Variants in SNX2 observed in about 807,000 individuals in gnomAD.
SNX2 encodes the protein sorting nexin-2.
A neutral mutation model predicts 69.9 loss-of-function variants in SNX2; 25 were observed. The observed-to-expected ratio is 0.36, with a 90% confidence interval of 0.26 to 0.50. SNX2 has a LOEUF of 0.50. Ranked by LOEUF, SNX2 falls within the 20% of genes least tolerant of loss-of-function variation. SNX2 has a pLI of 0.97. For missense variants in SNX2, 551 were observed against 613.3 expected (o/e 0.90, Z 1.07); for synonymous variants, 229 against 200.4 (o/e 1.14, Z -1.20).
chr5:122,806,140 G>GCA (rs1296313992), intron 6 of SNX2, among the ~76,000 whole-genome samples: 1 of 30,220 alleles, frequency 3.3e-5, no homozygotes, highest in African/African-American at 1.1e-4. Flanking sequence ...ACACACGCGC[G>GCA]CGCACACACA....
chr5:122,813,153 T>A (rs560586341), intron 7 of SNX2, among the ~76,000 whole-genome samples: 1 of 152,300 alleles, frequency 6.6e-6, no homozygotes, highest in South Asian at 2.1e-4. Flanking sequence ...TTACCCTTTT[T>A]GTCCCGTGTC....
At chr5:122,803,669 A>G in intron 6 of SNX2, 56 bp downstream of exon 6, 1 of 1,385,094 alleles carries the variant, frequency 7.2e-7, no homozygotes, top group Non-Finnish European at 1.0e-6. Context: ...TTCAGTTTTA[A>G]CTGTATAGAT....
chr5:122,806,142 G>GCGCGCGCACGCACACACACACACA, intron 6 of SNX2, among the ~76,000 whole-genome samples: 1 of 130,584 alleles, frequency 7.7e-6, no homozygotes, highest in African/African-American at 2.9e-5. Context: ...ACACGCGCGC[G>GCGCGCGCACGCACACACACACACA]CACACACACA....
At chr5:122,797,962 A>C (rs1753421726) in intron 2 of SNX2, among the ~76,000 whole-genome samples, 1 of 152,204 alleles carries the variant, frequency 6.6e-6, no homozygotes, top group Non-Finnish European at 1.5e-5. Context: ...GTATCAGTAA[A>C]GTAAAATGTG....
intron 7 of SNX2, among the ~76,000 whole-genome samples, chr5:122,810,884 A>G (rs528745737): frequency 5.3e-5 from 8 of 152,342 alleles, no homozygotes; most frequent in African/African-American, 1.9e-4. Flanking sequence ...AAGCAAAGGA[A>G]CTGGAATGGT....
chr5:122,792,108 G>T (rs189510736), intron 1 of SNX2, among the ~76,000 whole-genome samples: 7 of 152,326 alleles, frequency 4.6e-5, no homozygotes, highest in Admixed American at 4.6e-4. Flanking sequence ...GCCCACTTTT[G>T]TGAGAATTTG....
At chr5:122,788,662 T>C (rs989373569) in intron 1 of SNX2, among the ~76,000 whole-genome samples, 2 of 152,222 alleles carry the variant, frequency 1.3e-5, no homozygotes, top group Non-Finnish European at 2.9e-5. Flanking sequence ...TTATTCTCTT[T>C]GGTAACAGCT....
chr5:122,811,978 G>A (rs1753788232), intron 7 of SNX2, among the ~76,000 whole-genome samples: 1 of 152,140 alleles, frequency 6.6e-6, no homozygotes, highest in South Asian at 2.1e-4. Flanking sequence ...GTAGGCAGCT[G>A]TTCAGGATTA....
intron 3 of SNX2, among the ~76,000 whole-genome samples, chr5:122,800,859 C>A (rs572052398): frequency 2.6e-5 from 4 of 152,124 alleles, no homozygotes; most frequent in African/African-American, 9.7e-5. Flanking sequence ...GTTGAATAAT[C>A]TCTGAACTTT....
rs140174815 is a variant in SNX2 at position 122,782,534 on chromosome 5, C to T, written c.108+7323C>T. Among the ~76,000 whole-genome samples, 469 of 148,554 alleles carry T rather than the reference C, an allele frequency of 3.2e-3. 2 individuals carry two copies. The highest frequency in any genetic ancestry group is 9.5e-3 in the African/African-American group (383 of 40,330). The stretch of plus-strand genomic sequence containing the variant: ...GATTACAGGCGTGAGCCATCACGCC[C>T]GGCCTATTTTATTTTATTTGAGATG... On this transcript the variant is annotated intron_variant, in intron 1 of 14. Coordinates refer to ENST00000379516, the MANE Select transcript of SNX2 (RefSeq NM_003100.4).
At chr5:122,809,658 T>G (rs1753726048) in intron 7 of SNX2, among the ~76,000 whole-genome samples, 1 of 152,192 alleles carries the variant, frequency 6.6e-6, no homozygotes, top group South Asian at 2.1e-4. Context: ...TTAGGGTGAA[T>G]AGCACAGGTC....
At chr5:122,820,191 C>T (rs979288613) in intron 11 of SNX2, among the ~76,000 whole-genome samples, 1 of 152,168 alleles carries the variant, frequency 6.6e-6, no homozygotes, top group Non-Finnish European at 1.5e-5. Flanking sequence ...AAAAGTGTGA[C>T]ACTTCCAACA....
rs1754324335 is a variant in SNX2 at position 122,832,891 on chromosome 5, T to C, written c.*3243T>C. On this transcript the variant is annotated 3_prime_UTR_variant, in exon 15 of 15. Transcript: ENST00000379516. ...ATAGCAGATATTCCATAATAGTGACTGCAGATAGGCCAGTCAAAGTCATTT... is the reference window on the plus strand; with the variant it reads ...ATAGCAGATATTCCATAATAGTGACCGCAGATAGGCCAGTCAAAGTCATTT... 1 of 152,224 alleles carries C rather than the reference T, an allele frequency of 6.6e-6. No individual in the cohort carries two copies. Among genetic ancestry groups the C allele is most frequent in the Non-Finnish European group, 1.5e-5 (1 of 68,036 alleles). The allele number at this position is 152,224 out of a possible 1,614,324, so 9.4% of individuals were successfully genotyped here. A position where few individuals can be genotyped will look rare whatever the true frequency, so the allele number is the denominator to read the frequency against.
intron 1 of SNX2, among the ~76,000 whole-genome samples, chr5:122,777,809 C>T (rs1752887930): frequency 6.6e-6 from 1 of 152,176 alleles, no homozygotes; most frequent in Non-Finnish European, 1.5e-5. Context: ...TTATCCATTA[C>T]CTCAAACGTT....
rs866077272 is a variant in SNX2 at position 122,834,173 on chromosome 5, T to G, written c.*4525T>G. 5 of 152,240 alleles carry G rather than the reference T, an allele frequency of 3.3e-5. No individual in the cohort carries two copies. The South Asian group carries it at 8.3e-4, about 25-fold the overall frequency. 9.4% of individuals were successfully genotyped at this position (152,240 alleles called of 1,614,324 possible). On this transcript the variant is annotated 3_prime_UTR_variant, in exon 15 of 15. Transcript: ENST00000379516. ...ACATTTAGAATTCTAGGAAATCTTT[T>G]GGGATACAGAGAACTTATTTCTTCC...
chr5:122,827,216 T>G lies in SNX2; in HGVS notation c.1357-163T>G. ...GAAATTAAGCTAACATGCATTTCTA[T>G]TGGTTGACAGTTAAATGCAATTTCT... On this transcript the variant is annotated intron_variant, in intron 12 of 14. Transcript: ENST00000379516. The G allele has an allele frequency of 5.0e-6, 3 of 603,514 alleles. No individual in the cohort carries two copies. In the South Asian group the frequency reaches 6.5e-5, roughly 13 times the overall value. The allele number at this position is 603,514 out of a possible 1,614,324, so 37.4% of individuals were successfully genotyped here.
At chr5:122,815,861 T>C (rs1373757066) in intron 7 of SNX2, 35 bp from the exon 8 acceptor site, 5 of 1,142,472 alleles carry the variant, frequency 4.4e-6, no homozygotes, top group Admixed American at 4.4e-5. Flanking sequence ...TTCAAGATGC[T>C]ACTGATAAAG....
At position 122,798,022 on chromosome 5, in the gene SNX2, C is replaced by A. The variant is rs556166247; in HGVS notation, c.227-1670C>A. Among the ~76,000 whole-genome samples, 32 of 152,264 alleles carry A rather than the reference C, an allele frequency of 2.1e-4. No individual in the cohort carries two copies. The South Asian group carries it at 6.0e-3, about 29-fold the overall frequency. The stretch of plus-strand genomic sequence containing the variant: ...CTGTACTGATTTCTTAATAAAGTTA[C>A]TATCTCTCACAATATTTTGCCTGTG... On this transcript the variant is annotated intron_variant, in intron 2 of 14. Transcript: ENST00000379516.
Position 122,832,241 on chromosome 5 carries a change from A to G in SNX2, c.*2593A>G, listed in dbSNP as rs113374100. The G allele has an allele frequency of 6.6e-6, 1 of 152,208 alleles. No homozygotes were observed. The highest frequency in any genetic ancestry group is 2.4e-5 in the African/African-American group (1 of 41,460). The allele number at this position is 152,208 out of a possible 1,614,324, so 9.4% of individuals were successfully genotyped here. Reference sequence around the variant, plus strand: ...TGTTTCATTTAGTATGACTTTGGGCATATCACTTAAATCTCTTATCTATAA... The same window carrying G: ...TGTTTCATTTAGTATGACTTTGGGCGTATCACTTAAATCTCTTATCTATAA... On this transcript the variant is annotated 3_prime_UTR_variant, in exon 15 of 15. Coordinates refer to ENST00000379516, the MANE Select transcript of SNX2 (RefSeq NM_003100.4).
Sources: allele counts gnomAD v4.1 joint callset (sites outside exome capture counted in the v4.1 genomes callset), GRCh38; gene constraint gnomAD v4.1.1; transcripts MANE v1.5; gene names NCBI Gene and HGNC (gene_info 2026-07-23, HGNC 2026-07-21).